TRIM2: variants seen among roughly 807,000 people sequenced by gnomAD.
The protein encoded by TRIM2 is tripartite motif containing 2.
A neutral mutation model predicts 75.2 loss-of-function variants in TRIM2; 20 were observed. The observed-to-expected ratio is 0.27, with a 90% CI of 0.19 to 0.39. The LOEUF is 0.39. Among genes scored for constraint, TRIM2 ranks in the 10% least tolerant of loss-of-function variants. TRIM2 has a pLI of 1.00. For missense variants in TRIM2, 660 were observed against 990.8 expected, an observed-to-expected ratio of 0.67 and a Z score of 4.48; for synonymous variants, 373 against 388.3, an observed-to-expected ratio of 0.96 and a Z score of 0.46.
chr4:153,328,779 A>G (rs1770810388), intron 11 of TRIM2, 109 bp downstream of exon 11: 1 of 1,224,334 alleles, frequency 8.2e-7, no homozygotes, highest in Non-Finnish European at 1.1e-6. Context: ...TGGTTAGGAC[A>G]TAGAACCATA....
At chr4:153,282,591 T>A (rs952556408) in intron 3 of TRIM2, among the ~76,000 whole-genome samples, 1 of 152,098 alleles carries the variant, frequency 6.6e-6, no homozygotes, top group African/African-American at 2.4e-5. Context: ...TAAAATTTAA[T>A]ATTTCAACAA....
At chr4:153,287,088 C>A (rs994761520) in intron 3 of TRIM2, among the ~76,000 whole-genome samples, 2 of 151,968 alleles carry the variant, frequency 1.3e-5, no homozygotes, top group African/African-American at 4.8e-5. Context: ...AATTGATATT[C>A]CTGCCTCAGC....
chr4:153,302,343 C>T (rs561590420), intron 6 of TRIM2, among the ~76,000 whole-genome samples: 2 of 152,158 alleles, frequency 1.3e-5, no homozygotes, highest in Non-Finnish European at 1.5e-5. Flanking sequence ...GCACCTAGTG[C>T]CTGCCAGGCG....
chr4:153,216,760 T>C (rs1325422584), intron 1 of TRIM2, among the ~76,000 whole-genome samples: 2 of 152,154 alleles, frequency 1.3e-5, no homozygotes, highest in East Asian at 1.9e-4. Context: ...GGTGGTGCCG[T>C]GAGCGTCTTT....
chr4:153,244,355 C>CTCTTCTTCT lies in TRIM2; in HGVS notation c.31-25906_31-25898dup, dbSNP rs1209366783. On this transcript the variant is annotated intron_variant, in intron 1 of 11. Coordinates refer to ENST00000338700, the MANE Select transcript of TRIM2 (RefSeq NM_015271.5). Reference sequence around the variant, plus strand: ...CTTCTTCTTCTTCTTCTTCTTCTTCCTCTTCTTCTTCTTCTTCTTCTTCTT... The same window carrying CTCTTCTTCT: ...CTTCTTCTTCTTCTTCTTCTTCTTCCTCTTCTTCTTCTTCTTCTTCTTCTTCTTCTTCTT... Among the ~76,000 whole-genome samples the CTCTTCTTCT allele has an allele frequency of 4.6e-3, 58 of 12,702 alleles. 3 individuals are homozygous for CTCTTCTTCT. The highest frequency in any genetic ancestry group is 6.0e-3 in the East Asian group (3 of 496). 8.3% of individuals were successfully genotyped at this position (12,702 alleles called of 152,430 possible).
intron 3 of TRIM2, among the ~76,000 whole-genome samples, chr4:153,285,765 G>A (rs1334400487): frequency 1.3e-5 from 2 of 151,040 alleles, no homozygotes; most frequent in East Asian, 1.9e-4. Context: ...GTGTGCGTGT[G>A]TGTGTGTGTG....
intron 1 of TRIM2, among the ~76,000 whole-genome samples, chr4:153,196,619 T>C (rs1733808472): frequency 6.6e-6 from 1 of 152,230 alleles, no homozygotes; most frequent in East Asian, 1.9e-4. Flanking sequence ...TATTACTAGG[T>C]ACTGCTCACA....
intron 1 of TRIM2, among the ~76,000 whole-genome samples, chr4:153,245,436 G>T (rs912162399): frequency 3.9e-5 from 6 of 152,216 alleles, no homozygotes; most frequent in Non-Finnish European, 7.3e-5. Flanking sequence ...CAGCCATTTT[G>T]TTAGGCTTGA....
chr4:153,288,444 GA>G lies in TRIM2; in HGVS notation c.454-4530del, dbSNP rs915250542. Among the ~76,000 whole-genome samples, 5 of 151,644 alleles carry G rather than the reference GA, an allele frequency of 3.3e-5. No homozygotes were observed. The South Asian group carries it at 1.0e-3, about 32-fold the overall frequency. ...AGAGTGAGACTCATCTTAGAAAAAA[GA>G]AAAAAAATCTGCTTATGGAATATTT... is the stretch of plus-strand genomic sequence containing the variant. On this transcript the variant is annotated intron_variant, in intron 3 of 11. Transcript: ENST00000338700.
chr4:153,262,663 C>G (rs886793356), intron 1 of TRIM2, among the ~76,000 whole-genome samples: 2 of 152,262 alleles, frequency 1.3e-5, no homozygotes, highest in South Asian at 2.1e-4. Context: ...TAATTCTAAC[C>G]TTGTGGCTGA....
In TRIM2 at chr4:153,304,948, T is replaced by G. The variant is rs73854648; in HGVS notation, c.1510+8912T>G. ...TTATAGGAGATCTATTGGAAATGTT[T>G]CCCAAGGGAGCAGGGAGATGATTAA... On this transcript the variant is annotated intron_variant, in intron 6 of 11. Coordinates refer to ENST00000338700, the MANE Select transcript of TRIM2 (RefSeq NM_015271.5). 5.2e-3 allele frequency among the ~76,000 whole-genome samples: 786 copies of G among 152,332 alleles called. 11 individuals carry two copies. The highest frequency in any genetic ancestry group is 0.018 in the African/African-American group (752 of 41,570).
rs1300258425 is a variant in TRIM2 at position 153,267,760 on chromosome 4, TTTC to T, written c.31-2572_31-2570del. The stretch of plus-strand genomic sequence containing the variant: ...TTCCTTCCTTCCTTCCTTCTCTCTC[TTTC>T]TTTTCCTTCTTTATTTCTTTCTTTT... On this transcript the variant is annotated intron_variant, in intron 1 of 11. Coordinates refer to ENST00000338700, the MANE Select transcript of TRIM2 (RefSeq NM_015271.5). Among the ~76,000 whole-genome samples the T allele has an allele frequency of 1.2e-4, 15 of 128,248 alleles. No homozygotes were observed. In the East Asian group the frequency reaches 3.2e-3, roughly 28 times the overall value. The allele number at this position is 128,248 out of a possible 152,430, so 84.1% of individuals were successfully genotyped here.
rs1772512359 is a variant in TRIM2, at chr4:153,336,864, C to T, written c.*1898C>T. ...TAGTTAGGTAGAGTTTTAAAAAATACTTGAGCCTGTCCGTGATAAAGCTAT... is the reference window on the plus strand; with the variant it reads ...TAGTTAGGTAGAGTTTTAAAAAATATTTGAGCCTGTCCGTGATAAAGCTAT... On this transcript the variant is annotated 3_prime_UTR_variant, in exon 12 of 12. Transcript: ENST00000338700. The T allele has an allele frequency of 1.0e-6, 1 of 985,006 alleles. No homozygotes were observed. Among genetic ancestry groups the T allele is most frequent in the South Asian group, 4.7e-5 (1 of 21,278 alleles). 61.0% of individuals were successfully genotyped at this position (985,006 alleles called of 1,614,324 possible). A position where few individuals can be genotyped will look rare whatever the true frequency, so the allele number is the denominator to read the frequency against.
At chr4:153,280,304 TAGAACAAAA>T (rs1490833512) in intron 3 of TRIM2, among the ~76,000 whole-genome samples, 12 of 149,964 alleles carry the variant, frequency 8.0e-5, no homozygotes, top group South Asian at 2.1e-4. Context: ...CTAATGAAGA[TAGAACAAAA>T]AGAAAATCAT....
intron 8 of TRIM2, among the ~76,000 whole-genome samples, chr4:153,317,297 C>A (rs1265879999): frequency 1.3e-5 from 2 of 152,052 alleles, no homozygotes; most frequent in Non-Finnish European, 2.9e-5. Flanking sequence ...GTTTGGCCAT[C>A]TGCAAATCGT....
upstream of TRIM2, among the ~76,000 whole-genome samples, chr4:153,203,098 C>A (rs1560808264): frequency 2.1e-5 from 2 of 94,318 alleles, no homozygotes. Flanking sequence ...AGCGAGACTC[C>A]ATCTCAAAAA....
intron 8 of TRIM2, among the ~76,000 whole-genome samples, chr4:153,319,047 A>G (rs1035847378): frequency 6.6e-6 from 1 of 152,208 alleles, no homozygotes; most frequent in African/African-American, 2.4e-5. Context: ...ATCCACAGGT[A>G]TAGACAGAGA....
intron 1 of TRIM2, among the ~76,000 whole-genome samples, chr4:153,184,371 G>A (rs1417660178): frequency 1.3e-5 from 2 of 152,070 alleles, no homozygotes; most frequent in Non-Finnish European, 2.9e-5. Flanking sequence ...CACATGCTCT[G>A]ATGGCTCTTC....
chr4:153,295,235 C>G lies in TRIM2; in HGVS notation c.787-78C>G, dbSNP rs1287730523. ...GCGTGGGCAGGTGTAGAGTCTCCTTCTCGCCGGTGGAGGGCACTGCCCCGG... is the reference window on the plus strand; with the variant it reads ...GCGTGGGCAGGTGTAGAGTCTCCTTGTCGCCGGTGGAGGGCACTGCCCCGG... On this transcript the variant is annotated intron_variant, in intron 5 of 11. Coordinates refer to ENST00000338700, the MANE Select transcript of TRIM2 (RefSeq NM_015271.5). This position sits in a 1 kb window ranked among gnomAD's most constrained non-coding sequence, Gnocchi z 7.2. The G allele has an allele frequency of 7.0e-7, 1 of 1,438,640 alleles. No individual in the cohort carries two copies. Among genetic ancestry groups the G allele is most frequent in the Non-Finnish European group, 9.1e-7 (1 of 1,094,240 alleles). The allele number at this position is 1,438,640 out of a possible 1,614,324, so 89.1% of individuals were successfully genotyped here.
Sources: gnomAD v4.1 joint callset for allele counts (sites outside exome capture counted in the v4.1 genomes callset) on GRCh38, gnomAD v4.1.1 for gene constraint, Gnocchi (gnomAD v3.1) non-coding constraint, MANE v1.5 for transcripts, NCBI Gene and HGNC (gene_info 2026-07-23, HGNC 2026-07-21) for gene names.